The following CNTNAP2 variants were observed in gnomAD, a reference collection of about 807,000 sequenced individuals.
CNTNAP2 encodes contactin associated protein 2.
CNTNAP2 carries 98 observed loss-of-function variants against 155.2 expected under a neutral mutation model. That is an observed-to-expected ratio of 0.63 (90% CI 0.54 to 0.75). CNTNAP2 has a LOEUF of 0.75. Among genes scored for constraint, CNTNAP2 ranks in the 30% least tolerant of loss-of-function variants. The probability of loss-of-function intolerance (pLI) is 0.00; values close to 1 mark genes in which losing one functional copy is unlikely to be tolerated. For synonymous variants in CNTNAP2, 651 were observed against 631.2 expected, an observed-to-expected ratio of 1.03 and a Z score of -0.47; for missense variants, 1,727 against 1,688.1, an observed-to-expected ratio of 1.02 and a Z score of -0.40.
chr7:148,319,065 C>G (rs1210707141), intron 21 of CNTNAP2, among the ~76,000 whole-genome samples: 2 of 152,154 alleles, frequency 1.3e-5, no homozygotes. Context: ...AATTTATGAC[C>G]TAAGATACTC....
At chr7:147,213,952 TATCCTC>T (rs1182685966) in intron 8 of CNTNAP2, among the ~76,000 whole-genome samples, 10 of 152,064 alleles carry the variant, frequency 6.6e-5, no homozygotes, top group African/African-American at 9.7e-5. Context: ...TTTTTGTGCT[TATCCTC>T]GTCCTCAGAT....
intron 12 of CNTNAP2, among the ~76,000 whole-genome samples, chr7:147,568,912 C>A (rs1392917285): frequency 6.6e-6 from 1 of 152,040 alleles, no homozygotes. Context: ...CAATATTTTT[C>A]TTCATCTTCT....
intron 9 of CNTNAP2, among the ~76,000 whole-genome samples, chr7:147,306,616 C>T (rs146044108): frequency 6.3e-4 from 96 of 152,284 alleles, no homozygotes; most frequent in African/African-American, 2.0e-3. Context: ...GCACATTCTA[C>T]GTGGAACTAA....
At chr7:148,238,653 C>T (rs1338886121) in intron 20 of CNTNAP2, among the ~76,000 whole-genome samples, 2 of 152,168 alleles carry the variant, frequency 1.3e-5, no homozygotes, top group Non-Finnish European at 2.9e-5. Context: ...TCAAAGAGAA[C>T]TACAAGGTCC....
intron 18 of CNTNAP2, among the ~76,000 whole-genome samples, chr7:148,187,503 G>A (rs778709116): frequency 3.3e-5 from 5 of 152,162 alleles, no homozygotes; most frequent in Admixed American, 1.3e-4. Context: ...TGGAGACTGC[G>A]CTACGTAAAA....
intron 1 of CNTNAP2, among the ~76,000 whole-genome samples, chr7:146,421,182 T>C (rs1467722865): frequency 6.6e-6 from 1 of 152,038 alleles, no homozygotes; most frequent in Non-Finnish European, 1.5e-5. Flanking sequence ...GATGAAACCA[T>C]ATAATGGAAT....
intron 10 of CNTNAP2, among the ~76,000 whole-genome samples, chr7:147,408,887 T>A (rs182069003): frequency 1.3e-5 from 2 of 152,276 alleles, no homozygotes; most frequent in African/African-American, 4.8e-5. Context: ...TCTGATTACC[T>A]GGGCAGAGGT....
intron 10 of CNTNAP2, among the ~76,000 whole-genome samples, chr7:147,397,272 CTAT>C (rs1796832592): frequency 6.6e-6 from 1 of 151,804 alleles, no homozygotes; most frequent in African/African-American, 2.4e-5. Flanking sequence ...AATGTATCAG[CTAT>C]TATTTCTGCC....
intron 21 of CNTNAP2, among the ~76,000 whole-genome samples, chr7:148,349,959 G>C (rs1798398963): frequency 6.6e-6 from 1 of 152,344 alleles, no homozygotes; most frequent in East Asian, 1.9e-4. Context: ...CCAAGGGCAA[G>C]GGGTTTGAAG....
intron 11 of CNTNAP2, among the ~76,000 whole-genome samples, chr7:147,544,831 G>C (rs1053387542): frequency 6.6e-6 from 1 of 152,060 alleles, no homozygotes; most frequent in East Asian, 1.9e-4. Flanking sequence ...GTCCGGTTTT[G>C]CTTGGCTCTC....
intron 2 of CNTNAP2, among the ~76,000 whole-genome samples, chr7:146,812,973 A>C (rs376026104): frequency 2.4e-3 from 363 of 152,292 alleles, no homozygotes; most frequent in African/African-American, 8.0e-3. Context: ...GGTGGCTTCC[A>C]GGTAATGTTG....
intron 1 of CNTNAP2, among the ~76,000 whole-genome samples, chr7:146,370,493 AATT>A (rs1402695283): frequency 6.6e-6 from 1 of 151,906 alleles, no homozygotes; most frequent in African/African-American, 2.4e-5. Context: ...TCACTGTCAA[AATT>A]ATTATTTATT....
At chr7:147,287,753 A>G (rs1250426516) in intron 8 of CNTNAP2, among the ~76,000 whole-genome samples, 1 of 152,066 alleles carries the variant, frequency 6.6e-6, no homozygotes, top group Non-Finnish European at 1.5e-5. Flanking sequence ...CCAGTCTCTC[A>G]TTACAGTTAA....
At position 146,302,038 on chromosome 7, in the gene CNTNAP2, A is replaced by T. The variant is rs1337935589; in HGVS notation, c.97+185065A>T. Among the ~76,000 whole-genome samples the T allele has an allele frequency of 3.9e-5, 6 of 152,148 alleles. 1 individual carries two copies. The highest frequency in any genetic ancestry group is 1.5e-5 in the Non-Finnish European group (1 of 68,024). On this transcript the variant is annotated intron_variant, in intron 1 of 23. Coordinates refer to ENST00000361727, the MANE Select transcript of CNTNAP2 (RefSeq NM_014141.6). ...TAATGGGAGTCTGTTTTCCACAAGG[A>T]TAGAAGAATATTATCCTGAGTAGTT...
intron 1 of CNTNAP2, among the ~76,000 whole-genome samples, chr7:146,562,469 CTTAAA>C (rs144264325): frequency 0.011 from 1,601 of 152,162 alleles, 32 homozygotes; most frequent in African/African-American, 0.036. Context: ...ATAAACCAAA[CTTAAA>C]TTGAGCAAGG....
intron 1 of CNTNAP2, among the ~76,000 whole-genome samples, chr7:146,245,397 A>C (rs896571316): frequency 6.6e-6 from 1 of 152,146 alleles, no homozygotes; most frequent in African/African-American, 2.4e-5. Flanking sequence ...AGTTATGAGA[A>C]ATGTAGAGAG....
At chr7:147,139,525 C>T (rs1400909227) in intron 8 of CNTNAP2, among the ~76,000 whole-genome samples, 1 of 152,110 alleles carries the variant, frequency 6.6e-6, no homozygotes, top group Non-Finnish European at 1.5e-5. Context: ...CCATTAACCT[C>T]ATGTTGAGAA....
chr7:148,356,010 T>A (rs964165021), intron 21 of CNTNAP2, among the ~76,000 whole-genome samples: 1 of 152,244 alleles, frequency 6.6e-6, no homozygotes, highest in African/African-American at 2.4e-5. Flanking sequence ...ATAAAATAAG[T>A]ACCTTCTAGT....
intron 12 of CNTNAP2, among the ~76,000 whole-genome samples, chr7:147,584,877 C>T (rs1800587025): frequency 6.6e-6 from 1 of 152,168 alleles, no homozygotes; most frequent in African/African-American, 2.4e-5. Context: ...TCCCTATCCT[C>T]AGCTCCCAGG....
Sources: gnomAD v4.1 joint callset for allele counts (sites outside exome capture counted in the v4.1 genomes callset) on GRCh38, gnomAD v4.1.1 for gene constraint, MANE v1.5 for transcripts, NCBI Gene and HGNC (gene_info 2026-07-23, HGNC 2026-07-21) for gene names.